The following PDE1A variants were observed in gnomAD, a reference collection of about 807,000 sequenced individuals.
The protein encoded by PDE1A is phosphodiesterase 1A.
In PDE1A, 35 loss-of-function variants were observed where a neutral mutation model predicts 61.7. The ratio of observed to expected loss-of-function variants is 0.57; its 90% CI spans 0.43 to 0.75. The LOEUF (loss-of-function observed/expected upper bound fraction) is 0.75. PDE1A is among the 30% of genes least tolerant of loss of function. PDE1A has a pLI of 0.00. For missense variants in PDE1A, 597 were observed against 630.6 expected (o/e 0.95, Z 0.57); for synonymous variants, 232 against 213.2 (o/e 1.09, Z -0.77).
At chr2:182,152,412 C>CTTTTTTTTTTTTTTTTTTTTTTTTTT (rs559392112) in intron 13 of PDE1A, among the ~76,000 whole-genome samples, 1 of 75,292 alleles carries the variant, frequency 1.3e-5, no homozygotes, top group Non-Finnish European at 2.4e-5. Context: ...TTTTTTTCCT[C>CTTTTTTTTTTTTTTTTTTTTTTTTTT]TTTTTTTTTT....
At chr2:182,611,486 T>C in the PDE1A span, among the ~76,000 whole-genome samples, 8 of 152,378 alleles carry the variant, frequency 5.3e-5, no homozygotes, top group South Asian at 1.7e-3. Flanking sequence ...TTAACCAGTA[T>C]AGACAGTCTG....
the PDE1A span, among the ~76,000 whole-genome samples, chr2:182,579,706 G>C: frequency 1.3e-5 from 2 of 151,782 alleles, no homozygotes; most frequent in African/African-American, 4.8e-5. Flanking sequence ...ATACCTAGAA[G>C]CAAGTACATG....
At chr2:182,446,396 A>C (rs1430570600) in intron 2 of PDE1A, among the ~76,000 whole-genome samples, 1 of 152,128 alleles carries the variant, frequency 6.6e-6, no homozygotes, top group East Asian at 1.9e-4. Context: ...TACCCCAAAT[A>C]AAATCAGGTC....
intron 4 of PDE1A, among the ~76,000 whole-genome samples, chr2:182,231,478 G>A (rs769391246): frequency 1.2e-4 from 19 of 152,150 alleles, no homozygotes; most frequent in Admixed American, 3.9e-4. Context: ...GGGTAGAATT[G>A]CTAGTTACAT....
the PDE1A span, among the ~76,000 whole-genome samples, chr2:182,616,100 T>G: frequency 1.3e-5 from 2 of 152,246 alleles, no homozygotes; most frequent in Non-Finnish European, 2.9e-5. Flanking sequence ...TGGCATTTAC[T>G]TCATAGGAAT....
At chr2:182,172,787 G>T (rs958202917) in intron 13 of PDE1A, among the ~76,000 whole-genome samples, 5 of 152,006 alleles carry the variant, frequency 3.3e-5, no homozygotes, top group African/African-American at 4.8e-5. Flanking sequence ...GGAGGAGAAG[G>T]CCCAGGAAGA....
At chr2:182,350,430 T>C (rs1279009451) in intron 1 of PDE1A, among the ~76,000 whole-genome samples, 1 of 152,176 alleles carries the variant, frequency 6.6e-6, no homozygotes, top group African/African-American at 2.4e-5. Flanking sequence ...ATCGTATCTT[T>C]ATTTGAGAAT....
At chr2:182,375,889 G>A (rs1700375226) in intron 1 of PDE1A, among the ~76,000 whole-genome samples, 1 of 152,226 alleles carries the variant, frequency 6.6e-6, no homozygotes, top group Admixed American at 6.5e-5. Context: ...CCATGTGGAG[G>A]CTGCCAAGGG....
At chr2:182,545,095 T>C in the PDE1A span, among the ~76,000 whole-genome samples, 1 of 152,228 alleles carries the variant, frequency 6.6e-6, no homozygotes, top group African/African-American at 2.4e-5. Context: ...TCTTAGTTCA[T>C]AGCCATTGTA....
At chr2:182,476,121 G>C (rs1559497367) in intron 2 of PDE1A, among the ~76,000 whole-genome samples, 2 of 151,710 alleles carry the variant, frequency 1.3e-5, no homozygotes, top group African/African-American at 2.4e-5. Flanking sequence ...TTCATTTAAA[G>C]GTGAAATATC....
the PDE1A span, among the ~76,000 whole-genome samples, chr2:182,654,665 C>T: frequency 6.6e-6 from 1 of 152,086 alleles, no homozygotes; most frequent in South Asian, 2.1e-4. Context: ...TTATGGCATA[C>T]ACATGAAGTA....
At chr2:182,258,696 G>C (rs916053942) in intron 2 of PDE1A, among the ~76,000 whole-genome samples, 1 of 152,136 alleles carries the variant, frequency 6.6e-6, no homozygotes, top group South Asian at 2.1e-4. Context: ...CTTTGCCAGA[G>C]AACAAACTCA....
At chr2:182,370,684 A>C (rs896922485) in intron 1 of PDE1A, among the ~76,000 whole-genome samples, 9 of 152,158 alleles carry the variant, frequency 5.9e-5, no homozygotes, top group Admixed American at 5.2e-4. Flanking sequence ...GCCAAGAGTG[A>C]GTGACAAACT....
At chr2:182,405,439 C>T (rs770627448) in intron 1 of PDE1A, among the ~76,000 whole-genome samples, 3 of 152,136 alleles carry the variant, frequency 2.0e-5, no homozygotes, top group African/African-American at 2.4e-5. Context: ...TTTTATCAAG[C>T]GGTCCTGACA....
chr2:182,283,755 C>T (rs924229929), intron 1 of PDE1A, among the ~76,000 whole-genome samples: 3 of 152,040 alleles, frequency 2.0e-5, no homozygotes, highest in African/African-American at 7.2e-5. Context: ...TACAACTTGA[C>T]ACATTTCGAC....
intron 2 of PDE1A, among the ~76,000 whole-genome samples, chr2:182,492,337 T>C (rs1161275212): frequency 2.0e-5 from 3 of 152,202 alleles, no homozygotes; most frequent in Non-Finnish European, 2.9e-5. Flanking sequence ...TACAACTATA[T>C]TTTTATCCAT....
chr2:182,448,767 A>G (rs1412494728), intron 2 of PDE1A, among the ~76,000 whole-genome samples: 1 of 152,034 alleles, frequency 6.6e-6, no homozygotes, highest in Non-Finnish European at 1.5e-5. Flanking sequence ...TTAAAAACTA[A>G]CACTACAGAG....
In PDE1A at chr2:182,186,230, C is replaced by G. The variant is rs112829559; in HGVS notation, c.1329-151G>C. The G allele has an allele frequency of 2.0e-3, 1,684 of 850,820 alleles. 19 individuals are homozygous for G. In the African/African-American group the frequency reaches 0.023, roughly 12 times the overall value. 52.7% of individuals were successfully genotyped at this position (850,820 alleles called of 1,614,324 possible). On this transcript the variant is annotated intron_variant, in intron 12 of 13. Coordinates refer to ENST00000351439, the Ensembl canonical transcript of PDE1A. ...CACGTGGCAGCTGCTCATCTCCTTT[C>G]TCTCCCTCCCCACACTGGATTCTCC... is the stretch of plus-strand genomic sequence containing the variant.
At chr2:182,320,514 A>AT (rs1477997505) in intron 1 of PDE1A, among the ~76,000 whole-genome samples, 1 of 152,184 alleles carries the variant, frequency 6.6e-6, no homozygotes, top group East Asian at 1.9e-4. Context: ...ATAAGAAACA[A>AT]TATTATCTGG....
Sources: allele counts gnomAD v4.1 joint callset (sites outside exome capture counted in the v4.1 genomes callset), GRCh38; gene constraint gnomAD v4.1.1; transcripts MANE v1.5; gene names NCBI Gene and HGNC (gene_info 2026-07-23, HGNC 2026-07-21).